Variants in ZNF521 observed in about 807,000 individuals in gnomAD.
The protein encoded by ZNF521 is LYST-interacting protein 3.
Under a neutral mutation model 105.5 loss-of-function variants are expected in ZNF521, and 14 were observed. The ratio of observed to expected loss-of-function variants is 0.13; its 90% CI spans 0.09 to 0.21. The LOEUF (loss-of-function observed/expected upper bound fraction) is 0.21, where lower values mean the gene tolerates loss of function less well. ZNF521 is among the 10% of genes least tolerant of loss of function. The pLI, the probability that ZNF521 is intolerant of heterozygous loss-of-function variation, is 1.00. For missense variants in ZNF521, 1,233 were observed against 1,629.7 expected, an observed-to-expected ratio of 0.76 and a Z score of 4.19; for synonymous variants, 635 against 606.0, an observed-to-expected ratio of 1.05 and a Z score of -0.70.
rs992989532 is a variant in ZNF521 at position 25,299,566 on chromosome 18, C to T, written c.220+22442G>A. Among the ~76,000 whole-genome samples the T allele has an allele frequency of 2.6e-5, 4 of 152,186 alleles. No homozygotes were observed. In the South Asian group the frequency reaches 8.3e-4, roughly 32 times the overall value. On this transcript the variant is annotated intron_variant, in intron 3 of 7. Transcript: ENST00000361524. Reference sequence around the variant, plus strand: ...TTTTAAAATATGTTGGGGAACAACACTGTAAGGTCTTTCATAAAGTGATTG... The same window carrying T: ...TTTTAAAATATGTTGGGGAACAACATTGTAAGGTCTTTCATAAAGTGATTG...
At chr18:25,338,256 C>CTT (rs1219738874) in intron 2 of ZNF521, among the ~76,000 whole-genome samples, 3 of 32,226 alleles carry the variant, frequency 9.3e-5, no homozygotes, top group African/African-American at 3.1e-4. Context: ...CTCTCATAGA[C>CTT]TTTTGTGTGT....
chr18:25,272,859 A>G (rs971036547), intron 3 of ZNF521, among the ~76,000 whole-genome samples: 1 of 152,048 alleles, frequency 6.6e-6, no homozygotes, highest in Non-Finnish European at 1.5e-5. Flanking sequence ...ATGTATACCT[A>G]TGTAACAAAC....
intron 3 of ZNF521, among the ~76,000 whole-genome samples, chr18:25,270,728 C>G (rs959313384): frequency 7.9e-5 from 12 of 152,094 alleles, no homozygotes; most frequent in African/African-American, 2.9e-4. Flanking sequence ...ATTCAACAGC[C>G]CTTCATGTTA....
At chr18:25,183,388 G>A (rs552879998) in intron 5 of ZNF521, among the ~76,000 whole-genome samples, 5 of 152,274 alleles carry the variant, frequency 3.3e-5, no homozygotes, top group South Asian at 4.1e-4. Context: ...AATGCTAACA[G>A]CACTTTGACT....
chr18:25,184,069 T>A (rs1008334273), intron 5 of ZNF521, among the ~76,000 whole-genome samples: 1 of 152,118 alleles, frequency 6.6e-6, no homozygotes, highest in Non-Finnish European at 1.5e-5. Flanking sequence ...ATTCATTGAA[T>A]CTGGAAATAA....
rs1288343280 is a variant in ZNF521 at position 25,226,210 on chromosome 18, T to C, written c.1708A>G (p.Ile570Val). 6.2e-7 allele frequency: 1 copy of C among 1,614,192 alleles called. No homozygotes were observed. The highest frequency in any genetic ancestry group is 1.1e-5 in the South Asian group (1 of 91,082). Residue 570 changes from isoleucine to valine, a missense_variant, in exon 4 of 8, where the codon ATA (isoleucine) becomes GTA (valine). Physicochemically the swap from Ile to Val is conservative, Grantham distance 29. This residue lies in a region of ZNF521 where 380 missense variants were observed against 478.0 expected (regional missense o/e 0.80). Coordinates refer to ENST00000361524, the MANE Select transcript of ZNF521 (RefSeq NM_015461.3). The surrounding 1 kb of genome is among the most constrained non-coding windows in gnomAD (Gnocchi z 4.1). ...TTCAGTTTAAGAACGCTGTTGAATA[T>C]TGGCGAATTTGTACAATAGGAACAA... is the stretch of plus-strand genomic sequence containing the variant. ...YSCSYCTNSP[I>V]FNSVLKLNKH...
At chr18:25,062,923 A>G (rs534630955) in intron 7 of ZNF521, among the ~76,000 whole-genome samples, 182 bp from the exon 8 acceptor site, 1 of 152,252 alleles carries the variant, frequency 6.6e-6, no homozygotes, top group South Asian at 2.1e-4. Context: ...GTGCCCTCTA[A>G]TGTTAAAAAA....
intron 4 of ZNF521, among the ~76,000 whole-genome samples, chr18:25,212,007 T>G (rs1396009407): frequency 6.6e-6 from 1 of 152,300 alleles, no homozygotes; most frequent in East Asian, 1.9e-4. Flanking sequence ...ACATGTAATA[T>G]CCTTTTTGGA....
rs758397443 is a variant in ZNF521 at position 25,227,910 on chromosome 18, G to C, written c.221-213C>G. On this transcript the variant is annotated intron_variant, in intron 3 of 7. Transcript: ENST00000361524. This position sits in a 1 kb window ranked among gnomAD's most constrained non-coding sequence, Gnocchi z 5.7. ...CTTTTTGTTGAGTTGTAAAATATAA[G>C]AGGATATTAAATAGTTCTATGTCTA... Among the ~76,000 whole-genome samples, 1 of 152,146 alleles carries C rather than the reference G, an allele frequency of 6.6e-6. No homozygotes were observed. The highest frequency in any genetic ancestry group is 1.5e-5 in the Non-Finnish European group (1 of 68,024).
chr18:25,202,802 A>G (rs2036014785), intron 4 of ZNF521: 1 of 152,234 alleles, frequency 6.6e-6, no homozygotes, highest in African/African-American at 2.4e-5. Flanking sequence ...TCATTTTCTA[A>G]GTAATTCTGA....
At chr18:25,144,932 C>T (rs565776392) in intron 5 of ZNF521, among the ~76,000 whole-genome samples, 21 of 152,132 alleles carry the variant, frequency 1.4e-4, no homozygotes, top group Non-Finnish European at 3.1e-4. Context: ...CTCAGTTATC[C>T]CACAGACGTG....
intron 3 of ZNF521, among the ~76,000 whole-genome samples, chr18:25,303,289 TGTGTGTGTGTGTGTGTGTGTGAGAGA>T (rs1568066459): frequency 1.8e-5 from 2 of 112,394 alleles, no homozygotes; most frequent in East Asian, 2.6e-4. Context: ...TGTGTGTGTG[TGTGTGTGTGTGTGTGTGTGTGAGAGA>T]GAGACGGAGT....
intron 5 of ZNF521, among the ~76,000 whole-genome samples, chr18:25,168,289 G>C (rs2035384252): frequency 3.3e-5 from 5 of 152,208 alleles, no homozygotes; most frequent in Admixed American, 3.3e-4. Context: ...ACTTGGAAGA[G>C]ATTCTGCATT....
chr18:25,218,310 A>C (rs1191393739), intron 4 of ZNF521, among the ~76,000 whole-genome samples: 1 of 151,926 alleles, frequency 6.6e-6, no homozygotes, highest in Non-Finnish European at 1.5e-5. Context: ...CAGGAAAAGA[A>C]GATCAGAGAT....
chr18:25,350,773 G>A (rs1168781578), intron 2 of ZNF521, 134 bp downstream of exon 2: 9 of 868,896 alleles, frequency 1.0e-5, no homozygotes, highest in East Asian at 6.8e-5. Flanking sequence ...CAGCGGGGAG[G>A]GGAGCGCGCG....
intron 5 of ZNF521, among the ~76,000 whole-genome samples, chr18:25,095,477 A>AT (rs1297383329): frequency 6.6e-6 from 1 of 152,166 alleles, no homozygotes; most frequent in Non-Finnish European, 1.5e-5. Flanking sequence ...GTACAGCCCT[A>AT]TTTTTTAATT....
intron 2 of ZNF521, among the ~76,000 whole-genome samples, chr18:25,324,164 A>G (rs1285606726): frequency 6.6e-6 from 1 of 152,162 alleles, no homozygotes; most frequent in Non-Finnish European, 1.5e-5. Flanking sequence ...GCAGAGTTCT[A>G]TGTCCAGGTG....
At chr18:25,306,616 T>C (rs1273940984) in intron 3 of ZNF521, among the ~76,000 whole-genome samples, 2 of 152,198 alleles carry the variant, frequency 1.3e-5, no homozygotes, top group African/African-American at 2.4e-5. Context: ...CCAGCCTTAA[T>C]GCTTTAAATG....
At chr18:25,157,633 A>G in intron 5 of ZNF521, among the ~76,000 whole-genome samples, 1 of 152,336 alleles carries the variant, frequency 6.6e-6, no homozygotes, top group East Asian at 1.9e-4. Context: ...AAGGCATATA[A>G]AGAATATAAA....
Sources: gnomAD v4.1 joint callset for allele counts (sites outside exome capture counted in the v4.1 genomes callset) on GRCh38, gnomAD v4.1.1 for gene constraint, gnomAD v4.1.1 regional missense constraint, Gnocchi (gnomAD v3.1) non-coding constraint, MANE v1.5 for transcripts, NCBI Gene and HGNC (gene_info 2026-07-23, HGNC 2026-07-21) for gene names.